Variants in TENM2 observed in about 807,000 individuals in gnomAD.
TENM2 encodes teneurin transmembrane protein 2.
Under a neutral mutation model 245.2 loss-of-function variants are expected in TENM2, and 52 were observed. That is an observed-to-expected ratio of 0.21 (90% confidence interval 0.17 to 0.27). The LOEUF (loss-of-function observed/expected upper bound fraction) is 0.27. Among genes scored for constraint, TENM2 ranks in the 10% least tolerant of loss-of-function variants. The pLI is 1.00. For synonymous variants in TENM2, 1,363 were observed against 1,438.9 expected, an observed-to-expected ratio of 0.95 and a Z score of 1.19; for missense variants, 3,046 against 3,666.8, an observed-to-expected ratio of 0.83 and a Z score of 4.37.
the TENM2 span, among the ~76,000 whole-genome samples, chr5:167,084,829 G>A: frequency 6.6e-6 from 1 of 152,108 alleles, no homozygotes; most frequent in African/African-American, 2.4e-5. Flanking sequence ...TTCTGAATAA[G>A]TGACACCCAC....
In TENM2 at chr5:168,203,850, CT is replaced by C; in HGVS notation, c.3574+21del. ...TAAAAGTGGTACGTGAACACATCTT[CT>C]TTCCCAAATACAGCCTTGCCACTTC... On this transcript the variant is annotated intron_variant, in intron 18 of 28. Coordinates refer to ENST00000518659, the Ensembl canonical transcript of TENM2. The C allele has an allele frequency of 6.3e-7, 1 of 1,588,944 alleles. No individual in the cohort carries two copies. The highest frequency in any genetic ancestry group is 8.6e-7 in the Non-Finnish European group (1 of 1,161,432).
At chr5:167,975,759 C>T (rs562690405) in intron 4 of TENM2, among the ~76,000 whole-genome samples, 1 of 151,748 alleles carries the variant, frequency 6.6e-6, no homozygotes, top group East Asian at 1.9e-4. Flanking sequence ...TTGCTCATGC[C>T]TCAAAGAGTC....
intron 10 of TENM2, among the ~76,000 whole-genome samples, chr5:168,121,953 C>T (rs1795499083): frequency 6.6e-6 from 1 of 152,088 alleles, no homozygotes; most frequent in Non-Finnish European, 1.5e-5. Context: ...TTTACAGATC[C>T]CCAAATACGA....
intron 2 of TENM2, among the ~76,000 whole-genome samples, chr5:167,818,683 A>T (rs563437736): frequency 6.6e-6 from 1 of 152,280 alleles, no homozygotes; most frequent in Admixed American, 6.5e-5. Context: ...TTTTAGCCTG[A>T]GGTCAGCTTC....
At chr5:167,546,352 T>C (rs1355555959) in intron 2 of TENM2, among the ~76,000 whole-genome samples, 1 of 152,202 alleles carries the variant, frequency 6.6e-6, no homozygotes, top group East Asian at 1.9e-4. Context: ...AATGAGTCAT[T>C]GTCTACTGGA....
intron 1 of TENM2, among the ~76,000 whole-genome samples, chr5:167,334,235 G>T (rs928007477): frequency 2.6e-5 from 4 of 152,138 alleles, no homozygotes; most frequent in African/African-American, 9.7e-5. Flanking sequence ...GGGTGGAGTT[G>T]GGTTCTAGCC....
chr5:168,227,281 C>G (rs1764287770), intron 24 of TENM2, among the ~76,000 whole-genome samples: 1 of 152,220 alleles, frequency 6.6e-6, no homozygotes, highest in African/African-American at 2.4e-5. Context: ...AGCACCCACC[C>G]ACTGACTCCA....
intron 2 of TENM2, among the ~76,000 whole-genome samples, chr5:167,845,582 C>T (rs1226847388): frequency 6.6e-6 from 1 of 152,030 alleles, no homozygotes; most frequent in African/African-American, 2.4e-5. Context: ...CTTAAAACAG[C>T]TGGCATATGG....
intron 5 of TENM2, among the ~76,000 whole-genome samples, chr5:168,020,098 G>C (rs1786011314): frequency 6.6e-6 from 1 of 152,168 alleles, no homozygotes; most frequent in Admixed American, 6.5e-5. Flanking sequence ...TAGATTGTTA[G>C]GATTTACAAT....
intron 9 of TENM2, among the ~76,000 whole-genome samples, chr5:168,102,394 C>A (rs111818742): frequency 2.0e-5 from 3 of 152,312 alleles, no homozygotes; most frequent in African/African-American, 7.2e-5. Flanking sequence ...TTAAAAAGAA[C>A]AATGTCAAAA....
intron 2 of TENM2, among the ~76,000 whole-genome samples, chr5:167,859,402 G>A (rs1377670456): frequency 2.7e-5 from 4 of 147,606 alleles, no homozygotes; most frequent in African/African-American, 5.0e-5. Flanking sequence ...CCCCCGCCCG[G>A]CCAGCCGCCC....
chr5:167,136,373 A>G, the TENM2 span, among the ~76,000 whole-genome samples: 1 of 152,210 alleles, frequency 6.6e-6, no homozygotes, highest in Admixed American at 6.5e-5. Context: ...TGATGCTAAT[A>G]GAATAAATAA....
intron 2 of TENM2, among the ~76,000 whole-genome samples, chr5:167,438,100 C>G (rs1233473111): frequency 6.6e-6 from 1 of 152,152 alleles, no homozygotes; most frequent in African/African-American, 2.4e-5. Flanking sequence ...ATATAGTCTA[C>G]TATGAACTAT....
chr5:167,801,109 A>AAAAAAAAT (rs1444227809), intron 2 of TENM2, among the ~76,000 whole-genome samples: 3 of 66,556 alleles, frequency 4.5e-5, no homozygotes, highest in African/African-American at 6.3e-5. Flanking sequence ...AAAAAAAAAA[A>AAAAAAAAT]ATATATATAT....
intron 2 of TENM2, among the ~76,000 whole-genome samples, chr5:167,499,175 C>T (rs1769014031): frequency 6.6e-6 from 1 of 152,036 alleles, no homozygotes; most frequent in Admixed American, 6.6e-5. Context: ...GTGATATGTC[C>T]TTGTATTCTT....
intron 2 of TENM2, among the ~76,000 whole-genome samples, chr5:167,630,685 T>C (rs1210220535): frequency 6.6e-6 from 1 of 152,208 alleles, no homozygotes; most frequent in Middle Eastern, 3.2e-3. Context: ...TCAAAGCATT[T>C]ATTCTTTAAA....
the TENM2 span, among the ~76,000 whole-genome samples, chr5:167,124,343 G>A: frequency 1.3e-5 from 2 of 152,114 alleles, no homozygotes; most frequent in Admixed American, 6.5e-5. Context: ...ACAGCAATTT[G>A]TTGGTGTTGT....
intron 2 of TENM2, among the ~76,000 whole-genome samples, chr5:167,872,484 A>AAAAGAAAGAAAGAAAGAAAGAAAGACAG (rs1772979101): frequency 1.0e-5 from 1 of 99,654 alleles, no homozygotes; most frequent in African/African-American, 3.7e-5. Flanking sequence ...GAAAGAAAGA[A>AAAAGAAAGAAAGAAAGAAAGAAAGACAG]AAAGAAAGAA....
chr5:167,689,432 G>A (rs1757281253), intron 2 of TENM2, among the ~76,000 whole-genome samples: 1 of 152,230 alleles, frequency 6.6e-6, no homozygotes, highest in South Asian at 2.1e-4. Context: ...TAGTGGATCT[G>A]AAGGGGATAG....
Sources: gnomAD v4.1 joint callset for allele counts (sites outside exome capture counted in the v4.1 genomes callset) on GRCh38, gnomAD v4.1.1 for gene constraint, MANE v1.5 for transcripts, NCBI Gene and HGNC (gene_info 2026-07-23, HGNC 2026-07-21) for gene names.